Variants in GSG1L observed in about 807,000 individuals in gnomAD.
GSG1L encodes GSG1 like.
In GSG1L, 24 loss-of-function variants were observed where a neutral mutation model predicts 42.1. The observed-to-expected ratio is 0.57, with a 90% confidence interval of 0.41 to 0.80. The LOEUF (loss-of-function observed/expected upper bound fraction) is 0.80, where lower values mean the gene tolerates loss of function less well. Ranked by LOEUF, GSG1L falls within the 30% of genes least tolerant of loss-of-function variation. GSG1L has a pLI of 0.00. For synonymous variants in GSG1L, 215 were observed against 203.5 expected (o/e 1.06, Z -0.48); for missense variants, 445 against 472.2 (o/e 0.94, Z 0.53).
intron 1 of GSG1L, among the ~76,000 whole-genome samples, chr16:27,995,706 G>A (rs1297021739): frequency 1.3e-5 from 2 of 152,052 alleles, no homozygotes; most frequent in Non-Finnish European, 2.9e-5. Context: ...CACTTGTCAT[G>A]AGGGACACGA....
chr16:28,025,358 C>T (rs527981086), intron 1 of GSG1L, among the ~76,000 whole-genome samples: 1 of 152,260 alleles, frequency 6.6e-6, no homozygotes, highest in East Asian at 1.9e-4. Context: ...AGGGGCCATG[C>T]CACCTCATCT....
chr16:28,037,606 C>A (rs2086055671), intron 1 of GSG1L, among the ~76,000 whole-genome samples: 1 of 152,160 alleles, frequency 6.6e-6, no homozygotes, highest in South Asian at 2.1e-4. Flanking sequence ...TTTGGGGAAA[C>A]CACTTTTCAC....
At chr16:27,894,794 T>A (rs2084171541) in intron 2 of GSG1L, among the ~76,000 whole-genome samples, 1 of 151,850 alleles carries the variant, frequency 6.6e-6, no homozygotes, top group Admixed American at 6.6e-5. Context: ...CAAAAAGGAG[T>A]CAGGACTTTC....
At chr16:27,834,767 CCT>C (rs1320553103) in intron 4 of GSG1L, among the ~76,000 whole-genome samples, 1 of 152,124 alleles carries the variant, frequency 6.6e-6, no homozygotes, top group African/African-American at 2.4e-5. Context: ...GCAGCAACAT[CCT>C]CTGTTTCATT....
chr16:27,821,256 T>G (rs1353600348), intron 5 of GSG1L, among the ~76,000 whole-genome samples: 10 of 152,090 alleles, frequency 6.6e-5, no homozygotes, highest in Admixed American at 6.5e-4. Context: ...TGCTTTGTCA[T>G]GAAAAGCCAA....
In GSG1L at chr16:27,834,813, GCT is replaced by G. The variant is rs1268563277; in HGVS notation, c.663-5859_663-5858del. Among the ~76,000 whole-genome samples the G allele has an allele frequency of 2.6e-5, 4 of 152,108 alleles. No homozygotes were observed. In the East Asian group the frequency reaches 5.8e-4, roughly 22 times the overall value. On this transcript the variant is annotated intron_variant, in intron 4 of 6. Transcript: ENST00000447459. The stretch of plus-strand genomic sequence containing the variant: ...GGCATTTTGTGTCTCTCCTCTGTCC[GCT>G]CTCTCTGTCACTCTTGCAAGAGGTT...
In GSG1L at chr16:28,063,225, G is replaced by T; in HGVS notation, c.200C>A (p.Pro67His). The T allele has an allele frequency of 2.4e-6, 3 of 1,253,778 alleles. No homozygotes were observed. The highest frequency in any genetic ancestry group is 3.0e-6 in the Non-Finnish European group (3 of 1,004,564). 77.7% of individuals were successfully genotyped at this position (1,253,778 alleles called of 1,614,324 possible). A position where few individuals can be genotyped will look rare whatever the true frequency, so the allele number is the denominator to read the frequency against. Residue 67 changes from proline (P) to histidine (H), a missense_variant, in exon 1 of 7, where the codon CCC becomes CAC. By Grantham distance (77) the Pro-to-His change is moderately conservative. Coordinates refer to ENST00000447459, the MANE Select transcript of GSG1L (RefSeq NM_001109763.2). The surrounding 1 kb of genome is among the most constrained non-coding windows in gnomAD (Gnocchi z 5.8). ...ANATANGTAAPAAAAAAATAS... is the reference protein window; with the variant it reads ...ANATANGTAAHAAAAAAATAS... ...GGTGGCGGCGGCGGCGGCGGCGGCG[G>T]GGGCGGCGGTGCCGTTGGCCGTGGC...
chr16:27,909,512 A>T (rs2084358537), intron 2 of GSG1L, among the ~76,000 whole-genome samples: 3 of 150,928 alleles, frequency 2.0e-5, no homozygotes, highest in Non-Finnish European at 4.4e-5. Flanking sequence ...TCAGCCTCTC[A>T]AAGTGTTGGG....
chr16:27,902,477 G>A (rs2084270885), intron 2 of GSG1L, among the ~76,000 whole-genome samples: 1 of 152,160 alleles, frequency 6.6e-6, no homozygotes, highest in African/African-American at 2.4e-5. Context: ...GGTGGGGAAG[G>A]AGGGGGTGGT....
chr16:27,974,111 G>A (rs1390906929), intron 1 of GSG1L, among the ~76,000 whole-genome samples: 1 of 152,258 alleles, frequency 6.6e-6, no homozygotes, highest in East Asian at 1.9e-4. Context: ...AAGGCCCCTT[G>A]TATTCCCAGA....
At chr16:28,014,419 C>T (rs534453712) in intron 1 of GSG1L, among the ~76,000 whole-genome samples, 13 of 151,984 alleles carry the variant, frequency 8.6e-5, no homozygotes, top group Non-Finnish European at 1.6e-4. Flanking sequence ...CATAGGTATG[C>T]GGTTGATAAT....
intron 1 of GSG1L, among the ~76,000 whole-genome samples, chr16:28,025,011 C>T (rs1290921644): frequency 1.3e-5 from 2 of 152,174 alleles, no homozygotes; most frequent in Non-Finnish European, 2.9e-5. Flanking sequence ...ATTTCCCACC[C>T]GGGGGCTCAG....
intron 5 of GSG1L, among the ~76,000 whole-genome samples, chr16:27,812,755 G>C: frequency 6.6e-6 from 1 of 151,672 alleles, no homozygotes; most frequent in East Asian, 1.9e-4. Flanking sequence ...TTTTTATTTT[G>C]TCTTTGTTGT....
At chr16:27,956,760 C>T (rs373683624) in intron 2 of GSG1L, among the ~76,000 whole-genome samples, 23 of 151,640 alleles carry the variant, frequency 1.5e-4, no homozygotes, top group Non-Finnish European at 2.9e-5. Flanking sequence ...CCAAGCCTTC[C>T]GACATGAGCT....
chr16:28,012,434 C>G (rs978303945), intron 1 of GSG1L, among the ~76,000 whole-genome samples: 1 of 152,054 alleles, frequency 6.6e-6, no homozygotes, highest in Non-Finnish European at 1.5e-5. Context: ...CGTGGTGAAC[C>G]GGTGACAATA....
chr16:27,828,501 C>A (rs1260311173), intron 5 of GSG1L, among the ~76,000 whole-genome samples: 7 of 152,220 alleles, frequency 4.6e-5, no homozygotes, highest in African/African-American at 1.7e-4. Flanking sequence ...ATCATGGTTC[C>A]AAGAAGCATA....
At chr16:27,915,537 A>G (rs1377422695) in intron 2 of GSG1L, among the ~76,000 whole-genome samples, 5 of 152,204 alleles carry the variant, frequency 3.3e-5, no homozygotes, top group Non-Finnish European at 7.3e-5. Context: ...TCAAGCCACA[A>G]GTATTTACTG....
chr16:27,915,596 A>G (rs537204740), intron 2 of GSG1L, among the ~76,000 whole-genome samples: 3 of 152,336 alleles, frequency 2.0e-5, no homozygotes, highest in Admixed American at 6.5e-5. Flanking sequence ...GGACATAGCT[A>G]CGAATGAAAC....
intron 1 of GSG1L, among the ~76,000 whole-genome samples, chr16:28,020,102 A>C (rs1348424627): frequency 6.6e-6 from 1 of 152,222 alleles, no homozygotes; most frequent in Non-Finnish European, 1.5e-5. Context: ...TCGCGCAGAG[A>C]CATTGATGTG....
Sources: gnomAD v4.1 joint callset for allele counts (sites outside exome capture counted in the v4.1 genomes callset) on GRCh38, gnomAD v4.1.1 for gene constraint, Gnocchi (gnomAD v3.1) non-coding constraint, MANE v1.5 for transcripts, NCBI Gene and HGNC (gene_info 2026-07-23, HGNC 2026-07-21) for gene names.